Variants in ZNF521 observed in about 807,000 individuals in gnomAD.
ZNF521 encodes LYST-interacting protein 3.
Under a neutral mutation model 105.5 loss-of-function variants are expected in ZNF521, and 14 were observed. The ratio of observed to expected loss-of-function variants is 0.13; its 90% confidence interval spans 0.09 to 0.21. ZNF521 has a LOEUF of 0.21. Among genes scored for constraint, ZNF521 ranks in the 10% least tolerant of loss-of-function variants. The pLI is 1.00. For missense variants in ZNF521, 1,233 were observed against 1,629.7 expected, an observed-to-expected ratio of 0.76 and a Z score of 4.19; for synonymous variants, 635 against 606.0, an observed-to-expected ratio of 1.05 and a Z score of -0.70.
chr18:25,112,592 A>G (rs930025181), intron 5 of ZNF521, among the ~76,000 whole-genome samples: 2 of 152,218 alleles, frequency 1.3e-5, no homozygotes, highest in Non-Finnish European at 2.9e-5. Flanking sequence ...GCCATTCTGC[A>G]TACACTTAAT....
rs573235506 is a variant in ZNF521, at chr18:25,155,781, T to C, written c.3658+39379A>G. 2.0e-5 allele frequency among the ~76,000 whole-genome samples: 3 copies of C among 152,268 alleles called. No homozygotes were observed. The East Asian group carries it at 5.8e-4, about 29-fold the overall frequency. ...TAAACTGTGGTATAAATATATGCAA[T>C]AGAATATTATTCAGTCTTAAAAAAA... On this transcript the variant is annotated intron_variant, in intron 5 of 7. Transcript: ENST00000361524.
At chr18:25,062,932 A>G (rs2032947203) in intron 7 of ZNF521, among the ~76,000 whole-genome samples, 191 bp from the exon 8 acceptor site, 1 of 152,280 alleles carries the variant, frequency 6.6e-6, no homozygotes, top group South Asian at 2.1e-4. Context: ...AATGTTAAAA[A>G]AAATCTAATG....
intron 4 of ZNF521, among the ~76,000 whole-genome samples, chr18:25,211,700 T>C (rs10438984): frequency 0.035 from 5,340 of 152,322 alleles, 296 homozygotes; most frequent in African/African-American, 0.12. Context: ...TCACTCCCTA[T>C]ATGATGTTTG....
chr18:25,287,616 A>G (rs1910781257), intron 3 of ZNF521, among the ~76,000 whole-genome samples: 1 of 152,162 alleles, frequency 6.6e-6, no homozygotes, highest in Non-Finnish European at 1.5e-5. Flanking sequence ...GAAAAAAAAA[A>G]AAGAGAGTAT....
chr18:25,284,736 T>C (rs995031495), intron 3 of ZNF521, among the ~76,000 whole-genome samples: 5 of 151,820 alleles, frequency 3.3e-5, no homozygotes, highest in Non-Finnish European at 5.9e-5. Context: ...TGAAGAAATA[T>C]TTCCAAGTAA....
At chr18:25,094,627 T>G (rs1170531860) in intron 5 of ZNF521, among the ~76,000 whole-genome samples, 1 of 152,158 alleles carries the variant, frequency 6.6e-6, no homozygotes, top group Non-Finnish European at 1.5e-5. Flanking sequence ...ATTTTTAAGT[T>G]ACACTGTGAG....
intron 4 of ZNF521, among the ~76,000 whole-genome samples, chr18:25,220,137 G>A (rs768795734): frequency 1.3e-5 from 2 of 152,160 alleles, no homozygotes; most frequent in Non-Finnish European, 2.9e-5. Context: ...AGAAGGAGAG[G>A]CCACAGGGCG....
chr18:25,089,037 T>TCG (rs1396236790), intron 7 of ZNF521, among the ~76,000 whole-genome samples: 1 of 152,224 alleles, frequency 6.6e-6, no homozygotes, highest in Non-Finnish European at 1.5e-5. Context: ...AAGAGTACGA[T>TCG]TTCTTTCTTT....
At chr18:25,165,948 G>T (rs566377872) in intron 5 of ZNF521, among the ~76,000 whole-genome samples, 1 of 152,102 alleles carries the variant, frequency 6.6e-6, no homozygotes, top group Non-Finnish European at 1.5e-5. Context: ...ACACCAAAAA[G>T]AACCACTCTG....
intron 3 of ZNF521, among the ~76,000 whole-genome samples, chr18:25,255,969 T>G (rs1908460044): frequency 1.3e-5 from 2 of 148,192 alleles, no homozygotes; most frequent in Admixed American, 1.4e-4. Context: ...ATCGTATATA[T>G]ATATGTTATA....
rs34813730 is a variant in ZNF521 at position 25,338,259 on chromosome 18, TTGTGTGTGTGTG to T, written c.40+12636_40+12647del. ...AATTCAAACAACCTCTCATAGACTT[TTGTGTGTGTGTG>T]TGTGTGTGTGTGTGTGTGTGTGTGT... On this transcript the variant is annotated intron_variant, in intron 2 of 7. Transcript: ENST00000361524. Among the ~76,000 whole-genome samples, 8 of 136,594 alleles carry T rather than the reference TTGTGTGTGTGTG, an allele frequency of 5.9e-5. No homozygotes were observed. The East Asian group carries it at 9.1e-4, about 15-fold the overall frequency. 89.6% of individuals were successfully genotyped at this position (136,594 alleles called of 152,430 possible). A position where few individuals can be genotyped will look rare whatever the true frequency, so the allele number is the denominator to read the frequency against.
chr18:25,238,917 C>T (rs1907114943), intron 3 of ZNF521, among the ~76,000 whole-genome samples: 1 of 152,182 alleles, frequency 6.6e-6, no homozygotes, highest in Admixed American at 6.5e-5. Context: ...GAGTCTTCAC[C>T]TGCATTCCCA....
intron 5 of ZNF521, among the ~76,000 whole-genome samples, chr18:25,163,866 G>A (rs1003954570): frequency 3.9e-5 from 6 of 152,174 alleles, no homozygotes; most frequent in African/African-American, 7.2e-5. Flanking sequence ...TTCCTTTTCG[G>A]AACAGGGCCT....
chr18:25,179,765 G>A (rs765651771), intron 5 of ZNF521, among the ~76,000 whole-genome samples: 15 of 152,134 alleles, frequency 9.9e-5, no homozygotes, highest in African/African-American at 1.9e-4. Context: ...TTGGAAACAC[G>A]CTAAACACAA....
At chr18:25,205,593 G>A (rs75842109) in intron 4 of ZNF521, among the ~76,000 whole-genome samples, 10 of 152,236 alleles carry the variant, frequency 6.6e-5, no homozygotes, top group East Asian at 3.9e-4. Context: ...AAGGAGTAGC[G>A]ACAGTATGTA....
Position 25,258,691 on chromosome 18 carries a change from A to G in ZNF521, c.221-30994T>C, listed in dbSNP as rs1908688777. ...CAGCTTTCCTATCTTCTTCTCTATC[A>G]TGCTATGGATCTTTCTGAAGAAAAT... is the stretch of plus-strand genomic sequence containing the variant. On this transcript the variant is annotated intron_variant, in intron 3 of 7. Coordinates refer to ENST00000361524, the MANE Select transcript of ZNF521 (RefSeq NM_015461.3). Among the ~76,000 whole-genome samples the G allele has an allele frequency of 2.0e-5, 3 of 152,192 alleles. No homozygotes were observed. The South Asian group carries it at 6.2e-4, about 32-fold the overall frequency.
intron 3 of ZNF521, among the ~76,000 whole-genome samples, chr18:25,247,785 G>A (rs967190359): frequency 2.0e-5 from 3 of 152,172 alleles, no homozygotes; most frequent in Non-Finnish European, 4.4e-5. Context: ...TCTAGAGGCA[G>A]GGAGTCCATT....
intron 5 of ZNF521, among the ~76,000 whole-genome samples, chr18:25,150,372 C>T (rs1442238470): frequency 1.3e-5 from 2 of 152,112 alleles, no homozygotes; most frequent in African/African-American, 4.8e-5. Flanking sequence ...TCCCACATAT[C>T]ACCCCTAAAG....
intron 3 of ZNF521, among the ~76,000 whole-genome samples, chr18:25,245,748 C>T (rs1242631352): frequency 6.6e-6 from 1 of 152,106 alleles, no homozygotes; most frequent in Non-Finnish European, 1.5e-5. Context: ...CGTGGTGGCT[C>T]ACACCTGTAA....
Sources: gnomAD v4.1 joint callset for allele counts (sites outside exome capture counted in the v4.1 genomes callset) on GRCh38, gnomAD v4.1.1 for gene constraint, MANE v1.5 for transcripts, NCBI Gene and HGNC (gene_info 2026-07-23, HGNC 2026-07-21) for gene names.